Variants in PRKCA observed in about 807,000 individuals in gnomAD.
The protein encoded by PRKCA is protein kinase C alpha type.
In PRKCA, 27 loss-of-function variants were observed where a neutral mutation model predicts 87.0. That is an observed-to-expected ratio of 0.31 (90% confidence interval 0.23 to 0.43). The LOEUF (loss-of-function observed/expected upper bound fraction) is 0.43. Among genes scored for constraint, PRKCA ranks in the 20% least tolerant of loss-of-function variants. The pLI is 1.00. For missense variants in PRKCA, 518 were observed against 852.3 expected, an observed-to-expected ratio of 0.61 and a Z score of 4.88; for synonymous variants, 329 against 311.1, an observed-to-expected ratio of 1.06 and a Z score of -0.61.
At chr17:66,443,566 T>C (rs1161302890) in intron 2 of PRKCA, among the ~76,000 whole-genome samples, 1 of 152,174 alleles carries the variant, frequency 6.6e-6, no homozygotes, top group Non-Finnish European at 1.5e-5. Flanking sequence ...ATGTCTGTTA[T>C]GGTGAGTGAC....
In PRKCA at chr17:66,377,258, C is replaced by G. The variant is rs193125093; in HGVS notation, c.205+71131C>G. ...CAGGCTGGGCTCGAACTCTTGACCTCAGGTGATCCTCCTGCCTCAGCCTTC... is the reference window on the plus strand; with the variant it reads ...CAGGCTGGGCTCGAACTCTTGACCTGAGGTGATCCTCCTGCCTCAGCCTTC... On this transcript the variant is annotated intron_variant, in intron 2 of 16. Transcript: ENST00000413366. 2.0e-3 allele frequency among the ~76,000 whole-genome samples: 309 copies of G among 152,122 alleles called. 1 individual carries two copies. The highest frequency in any genetic ancestry group is 7.1e-3 in the African/African-American group (296 of 41,490).
intron 3 of PRKCA, among the ~76,000 whole-genome samples, chr17:66,579,346 G>GC (rs1969345616): frequency 6.6e-6 from 1 of 152,192 alleles, no homozygotes; most frequent in African/African-American, 2.4e-5. Context: ...TGGAGAAAGA[G>GC]CCTGAAGAAA....
intron 2 of PRKCA, among the ~76,000 whole-genome samples, chr17:66,359,721 A>G (rs1328966555): frequency 6.6e-6 from 1 of 152,264 alleles, no homozygotes; most frequent in Non-Finnish European, 1.5e-5. Context: ...AGTTTATTCT[A>G]TGCCAGCACC....
chr17:66,806,199 C>G lies in PRKCA; in HGVS notation c.*2162C>G, dbSNP rs1357087157. The G allele has an allele frequency of 6.6e-6, 1 of 152,260 alleles. No homozygotes were observed. The highest frequency in any genetic ancestry group is 2.4e-5 in the African/African-American group (1 of 41,458). 9.4% of individuals were successfully genotyped at this position (152,260 alleles called of 1,614,324 possible). A position where few individuals can be genotyped will look rare whatever the true frequency, so the allele number is the denominator to read the frequency against. ...GCTCTGTTTCCTCCCAGAAGCATCT[C>G]CCAGCTAAGCTCGCATTATTTTTCT... is the stretch of plus-strand genomic sequence containing the variant. On this transcript the variant is annotated 3_prime_UTR_variant, in exon 17 of 17. Transcript: ENST00000413366.
At chr17:66,342,370 C>T (rs367889036) in intron 2 of PRKCA, among the ~76,000 whole-genome samples, 2 of 151,050 alleles carry the variant, frequency 1.3e-5, no homozygotes, top group Non-Finnish European at 2.9e-5. Context: ...TGCAGTGAGC[C>T]GAGATCAGGC....
intron 2 of PRKCA, among the ~76,000 whole-genome samples, chr17:66,311,864 C>CT (rs1381583749): frequency 6.6e-6 from 1 of 151,994 alleles, no homozygotes; most frequent in Non-Finnish European, 1.5e-5. Flanking sequence ...ATCCTACCCC[C>CT]GCCACCAGAA....
chr17:66,734,757 T>C (rs1598906014), intron 9 of PRKCA, among the ~76,000 whole-genome samples: 1 of 152,304 alleles, frequency 6.6e-6, no homozygotes, highest in Non-Finnish European at 1.5e-5. Flanking sequence ...TCACTCTGGT[T>C]CAAATGCCTG....
chr17:66,590,414 G>A (rs551049044), intron 3 of PRKCA, among the ~76,000 whole-genome samples: 3 of 152,324 alleles, frequency 2.0e-5, no homozygotes, highest in Middle Eastern at 3.4e-3. Flanking sequence ...TCACAGCCAT[G>A]AGATGCAAGG....
chr17:66,707,608 G>T (rs1323783559), intron 8 of PRKCA, among the ~76,000 whole-genome samples: 1 of 152,200 alleles, frequency 6.6e-6, no homozygotes, highest in Non-Finnish European at 1.5e-5. Context: ...CCAGAAATCA[G>T]TAATTCTGGA....
chr17:66,798,496 GGTGGT>G (rs1975748680), intron 16 of PRKCA, among the ~76,000 whole-genome samples: 1 of 109,932 alleles, frequency 9.1e-6, no homozygotes, highest in Non-Finnish European at 1.9e-5. Flanking sequence ...TGACGGTGGT[GGTGGT>G]GGTGGTGACG....
At chr17:66,761,025 G>T (rs147603310) in intron 13 of PRKCA, among the ~76,000 whole-genome samples, 10 of 152,258 alleles carry the variant, frequency 6.6e-5, no homozygotes, top group African/African-American at 2.2e-4. Flanking sequence ...CTATTAGAGA[G>T]ATCATTTTCT....
At chr17:66,759,300 G>A (rs1974627332) in intron 13 of PRKCA, among the ~76,000 whole-genome samples, 1 of 151,710 alleles carries the variant, frequency 6.6e-6, no homozygotes. Flanking sequence ...AGCTTGCAGT[G>A]AGCCAAGATG....
chr17:66,723,969 C>T (rs1335466085), intron 8 of PRKCA, among the ~76,000 whole-genome samples: 1 of 152,200 alleles, frequency 6.6e-6, no homozygotes, highest in East Asian at 1.9e-4. Flanking sequence ...GAAAGGGTCT[C>T]AGAGACGAGT....
intron 5 of PRKCA, among the ~76,000 whole-genome samples, chr17:66,670,731 G>T (rs145858965): frequency 6.6e-6 from 1 of 151,896 alleles, no homozygotes; most frequent in South Asian, 2.1e-4. Flanking sequence ...GTGTGATGGC[G>T]TGTGTCTGTA....
intron 3 of PRKCA, among the ~76,000 whole-genome samples, chr17:66,593,233 C>T (rs909361277): frequency 6.6e-6 from 1 of 152,182 alleles, no homozygotes; most frequent in African/African-American, 2.4e-5. Flanking sequence ...TGTTTCCTCC[C>T]ATGTAGCAGT....
Position 66,732,842 on chromosome 17 carries a change from C to G in PRKCA, c.1056+17C>G, listed in dbSNP as rs958483991. ...TTTGGAAAGGTAAGAGGACAGTCGTCTGCAAATTGCAGGGGCTTCTGCAGA... is the reference window on the plus strand; with the variant it reads ...TTTGGAAAGGTAAGAGGACAGTCGTGTGCAAATTGCAGGGGCTTCTGCAGA... On this transcript the variant is annotated intron_variant, in intron 9 of 16. Transcript: ENST00000413366. 1 of 1,607,280 alleles carries G rather than the reference C, an allele frequency of 6.2e-7. No individual in the cohort carries two copies. Among genetic ancestry groups the G allele is most frequent in the African/African-American group, 1.3e-5 (1 of 74,434 alleles).
chr17:66,544,509 G>A (rs1289834228), intron 3 of PRKCA, among the ~76,000 whole-genome samples: 1 of 152,170 alleles, frequency 6.6e-6, no homozygotes, highest in Non-Finnish European at 1.5e-5. Context: ...TCCAGAAAAT[G>A]AGGTTACTCC....
In PRKCA at chr17:66,804,922, C is replaced by T; in HGVS notation, c.*885C>T. 1 of 906,564 alleles carries T rather than the reference C, an allele frequency of 1.1e-6. No individual in the cohort carries two copies. The allele number at this position is 906,564 out of a possible 1,614,324, so 56.2% of individuals were successfully genotyped here. A position where few individuals can be genotyped will look rare whatever the true frequency, so the allele number is the denominator to read the frequency against. ...TTGTTCACCAACACCCACCCCCACA[C>T]ACACCAACATTTTGCTGCCTACCTT... On this transcript the variant is annotated 3_prime_UTR_variant, in exon 17 of 17. Coordinates refer to ENST00000413366, the MANE Select transcript of PRKCA (RefSeq NM_002737.3).
chr17:66,485,560 G>T (rs1915959032), intron 2 of PRKCA, among the ~76,000 whole-genome samples: 1 of 152,140 alleles, frequency 6.6e-6, no homozygotes, highest in African/African-American at 2.4e-5. Flanking sequence ...CAGAATTCTG[G>T]AGCCACACTT....
Sources: allele counts gnomAD v4.1 joint callset (sites outside exome capture counted in the v4.1 genomes callset), GRCh38; gene constraint gnomAD v4.1.1; transcripts MANE v1.5; gene names NCBI Gene and HGNC (gene_info 2026-07-23, HGNC 2026-07-21).